The following CPA6 variants were observed in gnomAD, a reference collection of about 807,000 sequenced individuals.
The protein encoded by CPA6 is carboxypeptidase B.
In CPA6, 58 loss-of-function variants were observed where a neutral mutation model predicts 63.3. The ratio of observed to expected loss-of-function variants is 0.92; its 90% CI spans 0.74 to 1.14. The LOEUF is 1.14. CPA6 is among the 50% of genes most tolerant of loss of function. The pLI is 0.00. For missense variants in CPA6, 565 were observed against 526.6 expected, an observed-to-expected ratio of 1.07 and a Z score of -0.71; for synonymous variants, 185 against 179.0, an observed-to-expected ratio of 1.03 and a Z score of -0.27.
chr8:67,727,530 T>G (rs1817620971), intron 1 of CPA6, among the ~76,000 whole-genome samples: 1 of 152,180 alleles, frequency 6.6e-6, no homozygotes, highest in Non-Finnish European at 1.5e-5. Flanking sequence ...GCAATTGTCT[T>G]GAAACCCTCT....
intron 2 of CPA6, among the ~76,000 whole-genome samples, chr8:67,527,112 C>T (rs1812379839): frequency 6.6e-6 from 1 of 152,200 alleles, no homozygotes; most frequent in Non-Finnish European, 1.5e-5. Flanking sequence ...TGGGCTGTAT[C>T]TCACCAAGTA....
intron 2 of CPA6, among the ~76,000 whole-genome samples, chr8:67,550,668 A>G (rs1426594859): frequency 6.6e-6 from 1 of 152,188 alleles, no homozygotes; most frequent in Admixed American, 6.5e-5. Context: ...GGGTATAAGC[A>G]TTCCTTTTTC....
At chr8:67,562,316 A>G (rs1015420192) in intron 2 of CPA6, among the ~76,000 whole-genome samples, 1 of 151,952 alleles carries the variant, frequency 6.6e-6, no homozygotes, top group African/African-American at 2.4e-5. Flanking sequence ...TTCTCCCTTC[A>G]CAGTGTACTT....
At chr8:67,607,519 C>A (rs1814697915) in intron 2 of CPA6, among the ~76,000 whole-genome samples, 1 of 151,914 alleles carries the variant, frequency 6.6e-6, no homozygotes, top group African/African-American at 2.4e-5. Flanking sequence ...CCTGTCCTTT[C>A]AGACCCCAGA....
At chr8:67,483,616 A>T in intron 8 of CPA6, 152 bp downstream of exon 8, 1 of 644,480 alleles carries the variant, frequency 1.6e-6, no homozygotes, top group Admixed American at 2.5e-5. Context: ...TTTGCCAATT[A>T]CAGCTATCAT....
intron 2 of CPA6, among the ~76,000 whole-genome samples, chr8:67,599,120 T>G (rs1372792785): frequency 2.6e-5 from 4 of 152,178 alleles, no homozygotes; most frequent in Non-Finnish European, 4.4e-5. Context: ...AATGTAATTT[T>G]TTCAATTACA....
At chr8:67,498,010 G>T (rs185639142) in intron 6 of CPA6, among the ~76,000 whole-genome samples, 1 of 152,210 alleles carries the variant, frequency 6.6e-6, no homozygotes, top group Non-Finnish European at 1.5e-5. Flanking sequence ...TTTTGTAAGT[G>T]TCCCTCTTTA....
intron 2 of CPA6, among the ~76,000 whole-genome samples, chr8:67,528,319 CA>C (rs1448159946): frequency 1.3e-5 from 2 of 152,140 alleles, no homozygotes; most frequent in Non-Finnish European, 2.9e-5. Flanking sequence ...TGAGAGGCTC[CA>C]TTCAGAGGCT....
intron 1 of CPA6, among the ~76,000 whole-genome samples, chr8:67,626,815 C>T (rs955909211): frequency 2.6e-5 from 4 of 151,844 alleles, no homozygotes; most frequent in African/African-American, 9.7e-5. Context: ...TTGTCAGCTC[C>T]TCAAGAGTGC....
At chr8:67,526,562 C>G (rs1812369329) in intron 2 of CPA6, among the ~76,000 whole-genome samples, 1 of 152,108 alleles carries the variant, frequency 6.6e-6, no homozygotes, top group Admixed American at 6.6e-5. Context: ...TAATGCCAGG[C>G]TGGCTCTTCC....
chr8:67,478,786 C>T (rs1811296951), intron 8 of CPA6, among the ~76,000 whole-genome samples: 1 of 152,186 alleles, frequency 6.6e-6, no homozygotes, highest in South Asian at 2.1e-4. Flanking sequence ...CCTGTAATCC[C>T]AGCACTTTGG....
chr8:67,498,174 A>G (rs1232846568), intron 6 of CPA6, among the ~76,000 whole-genome samples: 1 of 151,866 alleles, frequency 6.6e-6, no homozygotes, highest in African/African-American at 2.4e-5. Flanking sequence ...CTCCTTATGT[A>G]TTTATTCTAG....
intron 8 of CPA6, among the ~76,000 whole-genome samples, chr8:67,446,221 C>T (rs945236839): frequency 3.9e-4 from 55 of 142,436 alleles, no homozygotes; most frequent in Non-Finnish European, 5.9e-4. Context: ...AGTGGAGATG[C>T]GCCACTGCAC....
At chr8:67,425,418 A>C (rs918815170) in intron 10 of CPA6, among the ~76,000 whole-genome samples, 2 of 152,210 alleles carry the variant, frequency 1.3e-5, no homozygotes, top group Non-Finnish European at 2.9e-5. Flanking sequence ...TCTGGCACCC[A>C]GGCTGGAGTG....
At chr8:67,729,999 G>C (rs1817676714) in intron 1 of CPA6, among the ~76,000 whole-genome samples, 1 of 152,210 alleles carries the variant, frequency 6.6e-6, no homozygotes, top group African/African-American at 2.4e-5. Flanking sequence ...ATTCAACACA[G>C]AACATTTCTG....
At chr8:67,483,249 C>T (rs1811397343) in intron 8 of CPA6, 2 of 152,614 alleles carry the variant, frequency 1.3e-5, no homozygotes, top group Admixed American at 6.5e-5. Flanking sequence ...AAAATGACAT[C>T]TTCCTTTTAT....
At chr8:67,626,026 C>T (rs954416646) in intron 1 of CPA6, among the ~76,000 whole-genome samples, 1 of 152,154 alleles carries the variant, frequency 6.6e-6, no homozygotes, top group African/African-American at 2.4e-5. Context: ...TGTATGTCAC[C>T]TCCTTCTTTG....
At chr8:67,429,847 T>C (rs1292641167) in intron 9 of CPA6, among the ~76,000 whole-genome samples, 4 of 152,182 alleles carry the variant, frequency 2.6e-5, no homozygotes, top group African/African-American at 7.2e-5. Context: ...TCACTTTGCC[T>C]ATTTACACAA....
chr8:67,722,209 C>T (rs944165697), intron 1 of CPA6, among the ~76,000 whole-genome samples: 2 of 152,262 alleles, frequency 1.3e-5, no homozygotes, highest in South Asian at 4.1e-4. Context: ...GCTATCACTG[C>T]CTATATTTGA....
Sources: allele counts gnomAD v4.1 joint callset (sites outside exome capture counted in the v4.1 genomes callset), GRCh38; gene constraint gnomAD v4.1.1; transcripts MANE v1.5; gene names NCBI Gene and HGNC (gene_info 2026-07-23, HGNC 2026-07-21).